The following MME variants were observed in gnomAD, a reference collection of about 807,000 sequenced individuals.
MME encodes the protein membrane metalloendopeptidase, also known as neprilysin.
A neutral mutation model predicts 113.2 loss-of-function variants in MME; 98 were observed. The observed-to-expected ratio is 0.87, with a 90% confidence interval of 0.74 to 1.02. The LOEUF is 1.02. MME is among the 50% of genes least tolerant of loss of function. The pLI is 0.00. For missense variants in MME, 836 were observed against 896.0 expected (o/e 0.93, Z 0.86); for synonymous variants, 292 against 300.6 (o/e 0.97, Z 0.30).
chr3:155,042,231 G>A (rs1012092777), intron 1 of MME, among the ~76,000 whole-genome samples: 1 of 150,980 alleles, frequency 6.6e-6, no homozygotes, highest in African/African-American at 2.4e-5. Flanking sequence ...TTGCAAACTA[G>A]TTCCTGACAA....
intron 3 of MME, among the ~76,000 whole-genome samples, chr3:155,101,016 G>T: frequency 6.6e-6 from 1 of 152,244 alleles, no homozygotes; most frequent in African/African-American, 2.4e-5. Flanking sequence ...CTAATGACTT[G>T]GCCCTGTCTT....
At chr3:155,177,892 G>A (rs148304651) in intron 22 of MME, among the ~76,000 whole-genome samples, 4 of 152,144 alleles carry the variant, frequency 2.6e-5, no homozygotes, top group Non-Finnish European at 4.4e-5. Flanking sequence ...TCAGCCCACC[G>A]TGGTCACTGC....
At chr3:155,048,241 CT>C (rs1331453869) in intron 1 of MME, among the ~76,000 whole-genome samples, 7 of 152,266 alleles carry the variant, frequency 4.6e-5, no homozygotes, top group African/African-American at 1.7e-4. Flanking sequence ...CTCACTTCAG[CT>C]TGTAAAGTCC....
At chr3:155,086,738 T>A (rs963717155) in intron 3 of MME, among the ~76,000 whole-genome samples, 2 of 152,198 alleles carry the variant, frequency 1.3e-5, no homozygotes, top group African/African-American at 4.8e-5. Flanking sequence ...AACATCTATG[T>A]GTCTTATAAG....
chr3:155,072,459 T>C (rs1174376924), intron 1 of MME, among the ~76,000 whole-genome samples: 1 of 152,240 alleles, frequency 6.6e-6, no homozygotes, highest in Non-Finnish European at 1.5e-5. Context: ...GTATCTATAA[T>C]ATTCTACACA....
intron 3 of MME, 48 bp downstream of exon 3, chr3:155,085,142 A>G: frequency 8.3e-7 from 1 of 1,198,400 alleles, no homozygotes; most frequent in Non-Finnish European, 1.2e-6. Context: ...GATGTATAAT[A>G]TTTAAAATTA....
chr3:155,105,020 T>A (rs913592186), intron 3 of MME, among the ~76,000 whole-genome samples: 1 of 151,970 alleles, frequency 6.6e-6, no homozygotes, highest in Non-Finnish European at 1.5e-5. Context: ...ATTATTATTA[T>A]TAATAGAATA....
chr3:155,035,340 A>C (rs1387883476), intron 1 of MME, among the ~76,000 whole-genome samples: 1 of 148,672 alleles, frequency 6.7e-6, no homozygotes, highest in African/African-American at 2.4e-5. Flanking sequence ...ATTATATATA[A>C]ATAATAAAAT....
intron 3 of MME, among the ~76,000 whole-genome samples, chr3:155,114,783 G>A (rs1259754367): frequency 1.3e-5 from 2 of 152,122 alleles, no homozygotes; most frequent in Non-Finnish European, 2.9e-5. Context: ...GACCCACACA[G>A]TTCAAAATAA....
chr3:155,078,209 C>T (rs1714831961), upstream of MME, among the ~76,000 whole-genome samples: 1 of 151,914 alleles, frequency 6.6e-6, no homozygotes, highest in Admixed American at 6.6e-5. Context: ...GGCGACAGCA[C>T]GAGACTCTGT....
intron 1 of MME, chr3:155,083,453 C>T (rs1559905520): frequency 6.6e-6 from 1 of 152,476 alleles, no homozygotes; most frequent in East Asian, 1.9e-4. Flanking sequence ...TTACTTATCC[C>T]CCTTACTCCC....
At chr3:155,115,503 A>T (rs935809418) in intron 4 of MME, among the ~76,000 whole-genome samples, 1 of 152,192 alleles carries the variant, frequency 6.6e-6, no homozygotes, top group African/African-American at 2.4e-5. Flanking sequence ...ATCTCGGCTC[A>T]CTGCAACTTC....
At chr3:155,149,241 T>C (rs1374479281) in intron 16 of MME, among the ~76,000 whole-genome samples, 1 of 152,182 alleles carries the variant, frequency 6.6e-6, no homozygotes, top group Non-Finnish European at 1.5e-5. Context: ...ATTAAATAGA[T>C]ATAACTAACA....
At chr3:155,034,184 A>G (rs1713058742) in intron 1 of MME, among the ~76,000 whole-genome samples, 1 of 152,170 alleles carries the variant, frequency 6.6e-6, no homozygotes, top group African/African-American at 2.4e-5. Context: ...TCCTTTACCT[A>G]TATAGCAAGT....
intron 1 of MME, chr3:155,081,461 A>G (rs537393593): frequency 6.6e-5 from 10 of 152,352 alleles, no homozygotes; most frequent in African/African-American, 2.2e-4. Context: ...TTGTTATCTT[A>G]GACCTCCTAA....
At chr3:155,026,717 GTCCCAT>G (rs917740465) in intron 1 of MME, among the ~76,000 whole-genome samples, 3 of 152,034 alleles carry the variant, frequency 2.0e-5, no homozygotes, top group African/African-American at 7.2e-5. Flanking sequence ...GTGAGACTCT[GTCCCAT>G]TCCCCCCACC....
chr3:155,075,886 G>C (rs906003789), upstream of MME, among the ~76,000 whole-genome samples: 2 of 152,068 alleles, frequency 1.3e-5, no homozygotes, highest in Non-Finnish European at 2.9e-5. Context: ...CCGTTGTCTG[G>C]TTTTTTAGTT....
In MME at chr3:155,180,641, A is replaced by T; in HGVS notation, c.*182A>T. 1 of 619,804 alleles carries T rather than the reference A, an allele frequency of 1.6e-6. No individual in the cohort carries two copies. Among genetic ancestry groups the T allele is most frequent in the South Asian group, 1.8e-5 (1 of 55,576 alleles). 38.4% of individuals were successfully genotyped at this position (619,804 alleles called of 1,614,324 possible). A position where few individuals can be genotyped will look rare whatever the true frequency, so the allele number is the denominator to read the frequency against. On this transcript the variant is annotated 3_prime_UTR_variant, in exon 23 of 23. Coordinates refer to ENST00000360490, the MANE Select transcript of MME (RefSeq NM_007289.4). ...GTCCTAGAAAGGGTGTGGAGGGAGG[A>T]AGGGGGTCTAAGGTCTATCAAGTCA...
chr3:155,174,756 C>T (rs1231114428), intron 22 of MME, among the ~76,000 whole-genome samples: 1 of 151,930 alleles, frequency 6.6e-6, no homozygotes, highest in Non-Finnish European at 1.5e-5. Context: ...CTGACTAAAG[C>T]TTTATTTATG....
Sources: gnomAD v4.1 joint callset for allele counts (sites outside exome capture counted in the v4.1 genomes callset) on GRCh38, gnomAD v4.1.1 for gene constraint, MANE v1.5 for transcripts, NCBI Gene and HGNC (gene_info 2026-07-23, HGNC 2026-07-21) for gene names.